The following DOCK10 variants were observed in gnomAD, a reference collection of about 807,000 sequenced individuals.
The protein encoded by DOCK10 is dedicator of cytokinesis 10, also known as dedicator of cytokinesis protein 10.
A neutral mutation model predicts 280.1 loss-of-function variants in DOCK10; 145 were observed. That is an observed-to-expected ratio of 0.52 (90% CI 0.45 to 0.59). DOCK10 has a LOEUF of 0.59. Among genes scored for constraint, DOCK10 ranks in the 20% least tolerant of loss-of-function variants. The pLI, the probability that DOCK10 is intolerant of heterozygous loss-of-function variation, is 0.00. For missense variants in DOCK10, 2,368 were observed against 2,651.7 expected, an observed-to-expected ratio of 0.89 and a Z score of 2.35; for synonymous variants, 915 against 942.2, an observed-to-expected ratio of 0.97 and a Z score of 0.53.
intron 27 of DOCK10, among the ~76,000 whole-genome samples, chr2:224,824,947 G>A (rs1376121554): frequency 1.3e-5 from 2 of 151,082 alleles, no homozygotes; most frequent in Non-Finnish European, 2.9e-5. Context: ...GGAATTTAAC[G>A]GGATGTTGGA....
intron 1 of DOCK10, among the ~76,000 whole-genome samples, chr2:224,992,968 C>A (rs1559935203): frequency 6.6e-6 from 1 of 152,178 alleles, no homozygotes; most frequent in African/African-American, 2.4e-5. Context: ...CCACATTCCC[C>A]TATAAATATT....
intron 50 of DOCK10, among the ~76,000 whole-genome samples, chr2:224,783,737 G>A (rs1691529649): frequency 6.7e-6 from 1 of 150,098 alleles, no homozygotes; most frequent in Admixed American, 6.7e-5. Flanking sequence ...AGTCTATTTA[G>A]TACAGGGGTT....
chr2:224,903,111 A>AAAAC (rs1006800046), intron 3 of DOCK10, among the ~76,000 whole-genome samples: 11 of 152,230 alleles, frequency 7.2e-5, no homozygotes, highest in African/African-American at 1.9e-4. Flanking sequence ...AAACCAAAAC[A>AAAAC]AAACAAACAA....
chr2:224,927,481 T>C (rs1359574191), intron 2 of DOCK10, among the ~76,000 whole-genome samples: 2 of 151,964 alleles, frequency 1.3e-5, no homozygotes, highest in Non-Finnish European at 2.9e-5. Flanking sequence ...GGAGGGGAGG[T>C]ATGGTCCAGG....
chr2:225,018,121 C>A (rs533063600), intron 1 of DOCK10, among the ~76,000 whole-genome samples: 1 of 152,040 alleles, frequency 6.6e-6, no homozygotes, highest in Non-Finnish European at 1.5e-5. Flanking sequence ...ACTCACTTTG[C>A]GAATGCAGTA....
At chr2:224,873,645 T>C (rs1471873234) in intron 11 of DOCK10, among the ~76,000 whole-genome samples, 2 of 136,172 alleles carry the variant, frequency 1.5e-5, no homozygotes, top group African/African-American at 5.5e-5. Context: ...ACTAAGAGGA[T>C]ACACACAATG....
At position 224,831,044 on chromosome 2, in the gene DOCK10, C is replaced by T. The variant is rs1695194484; in HGVS notation, c.2965-432G>A. On this transcript the variant is annotated intron_variant, in intron 26 of 55. Transcript: ENST00000258390. ...GAACTCTCCGGCTCAGGTGATTCTC[C>T]CACCTCAGTCTCCCGGACAGCTGCG... is the stretch of plus-strand genomic sequence containing the variant. 4.6e-5 allele frequency among the ~76,000 whole-genome samples: 7 copies of T among 152,024 alleles called. No homozygotes were observed. In the South Asian group the frequency reaches 1.5e-3, roughly 32 times the overall value.
At position 224,963,944 on chromosome 2, in the gene DOCK10, G is replaced by T. The variant is rs79765465; in HGVS notation, c.124-32276C>A. On this transcript the variant is annotated intron_variant, in intron 1 of 55. Coordinates refer to ENST00000258390, the MANE Select transcript of DOCK10 (RefSeq NM_014689.3). ...TGATGTACAGTCCAACTGACTATTG[G>T]AACAAGAAAGCTAAACTACAATCAC... is the stretch of plus-strand genomic sequence containing the variant. 3.5e-3 allele frequency among the ~76,000 whole-genome samples: 531 copies of T among 150,368 alleles called. 1 individual carries two copies. Among genetic ancestry groups the T allele is most frequent in the African/African-American group, 0.012 (506 of 40,862 alleles).
intron 1 of DOCK10, among the ~76,000 whole-genome samples, chr2:224,934,646 A>G (rs1025943066): frequency 6.6e-6 from 1 of 152,210 alleles, no homozygotes; most frequent in Non-Finnish European, 1.5e-5. Context: ...GGATGGTGGG[A>G]TCAGTTAATT....
At chr2:224,917,608 T>C (rs1336394947) in intron 2 of DOCK10, among the ~76,000 whole-genome samples, 1 of 152,128 alleles carries the variant, frequency 6.6e-6, no homozygotes, top group Non-Finnish European at 1.5e-5. Context: ...TTGAAAAAAA[T>C]AGGTTGTGTT....
intron 2 of DOCK10, among the ~76,000 whole-genome samples, chr2:224,923,599 G>C (rs151037530): frequency 0.011 from 1,606 of 152,332 alleles, 19 homozygotes; most frequent in Admixed American, 0.02. Context: ...TGCAGACATG[G>C]TCTAGGGAAG....
chr2:224,931,716 C>T, intron 1 of DOCK10, 48 bp from the exon 2 acceptor site: 1 of 1,526,008 alleles, frequency 6.6e-7, no homozygotes, highest in Non-Finnish European at 8.8e-7. Flanking sequence ...ACACCATCTC[C>T]CTTTTCTATG....
At chr2:224,799,716 T>C (rs1692839874) in intron 41 of DOCK10, among the ~76,000 whole-genome samples, 1 of 152,226 alleles carries the variant, frequency 6.6e-6, no homozygotes, top group Non-Finnish European at 1.5e-5. Flanking sequence ...CCATTCTAAG[T>C]AGTGATAATC....
At chr2:224,831,897 T>A (rs1695264253) in intron 26 of DOCK10, among the ~76,000 whole-genome samples, 1 of 152,134 alleles carries the variant, frequency 6.6e-6, no homozygotes, top group South Asian at 2.1e-4. Context: ...GTCTTGGGGT[T>A]CCTTACAGGT....
At chr2:224,965,060 A>C (rs1460462618) in intron 1 of DOCK10, among the ~76,000 whole-genome samples, 1 of 152,256 alleles carries the variant, frequency 6.6e-6, no homozygotes, top group Non-Finnish European at 1.5e-5. Context: ...AACTCTCATT[A>C]ATCAACTTTT....
intron 51 of DOCK10, 112 bp downstream of exon 51, chr2:224,778,026 G>T: frequency 1.8e-6 from 2 of 1,108,764 alleles, no homozygotes; most frequent in East Asian, 2.6e-5. Flanking sequence ...ATCTAAAATC[G>T]TTTTTGTAGT....
At chr2:224,967,111 G>C (rs964084784) in intron 1 of DOCK10, among the ~76,000 whole-genome samples, 1 of 145,608 alleles carries the variant, frequency 6.9e-6, no homozygotes, top group African/African-American at 2.6e-5. Context: ...ACGGAGTCTC[G>C]CTCTGTCGCC....
At chr2:224,960,979 C>T (rs1704345978) in intron 1 of DOCK10, among the ~76,000 whole-genome samples, 1 of 151,866 alleles carries the variant, frequency 6.6e-6, no homozygotes, top group South Asian at 2.1e-4. Flanking sequence ...ACCTCGTGAT[C>T]CGCCTGTCTC....
At chr2:224,842,597 G>A (rs1374843617) in intron 22 of DOCK10, among the ~76,000 whole-genome samples, 7 of 152,148 alleles carry the variant, frequency 4.6e-5, no homozygotes, top group Non-Finnish European at 1.0e-4. Flanking sequence ...GTGCGCGTGT[G>A]TGTGTGTGCC....
Sources: gnomAD v4.1 joint callset for allele counts (sites outside exome capture counted in the v4.1 genomes callset) on GRCh38, gnomAD v4.1.1 for gene constraint, MANE v1.5 for transcripts, NCBI Gene and HGNC (gene_info 2026-07-23, HGNC 2026-07-21) for gene names.